The following ROR2 variants were observed in gnomAD, a reference collection of about 807,000 sequenced individuals.
ROR2 encodes the protein tyrosine-protein kinase transmembrane receptor ROR2.
ROR2 carries 33 observed loss-of-function variants against 74.9 expected under a neutral mutation model. The ratio of observed to expected loss-of-function variants is 0.44; its 90% CI spans 0.33 to 0.59. The LOEUF (loss-of-function observed/expected upper bound fraction) is 0.59, where lower values mean the gene tolerates loss of function less well. Ranked by LOEUF, ROR2 falls within the 20% of genes least tolerant of loss-of-function variation. The pLI, the probability that ROR2 is intolerant of heterozygous loss-of-function variation, is 0.02. For missense variants in ROR2, 1,216 were observed against 1,313.8 expected, an observed-to-expected ratio of 0.93 and a Z score of 1.15; for synonymous variants, 586 against 558.7, an observed-to-expected ratio of 1.05 and a Z score of -0.69.
At chr9:91,756,993 C>T (rs1361890074) in intron 3 of ROR2, among the ~76,000 whole-genome samples, 1 of 152,134 alleles carries the variant, frequency 6.6e-6, no homozygotes, top group East Asian at 1.9e-4. Flanking sequence ...TGATCTCAAA[C>T]TCCTGACCTC....
chr9:91,909,461 C>T (rs1361475337), intron 1 of ROR2, among the ~76,000 whole-genome samples: 1 of 152,044 alleles, frequency 6.6e-6, no homozygotes, highest in Non-Finnish European at 1.5e-5. Flanking sequence ...ATCCTCCTGA[C>T]TCATCCTCCC....
At chr9:91,843,960 A>C (rs1473638238) in intron 1 of ROR2, among the ~76,000 whole-genome samples, 1 of 152,196 alleles carries the variant, frequency 6.6e-6, no homozygotes, top group Admixed American at 6.5e-5. Context: ...TCTGAAGGCC[A>C]CTTTCCTGCA....
At chr9:91,915,859 G>C (rs1219582318) in intron 1 of ROR2, among the ~76,000 whole-genome samples, 1 of 152,178 alleles carries the variant, frequency 6.6e-6, no homozygotes, top group African/African-American at 2.4e-5. Context: ...ATGCTGATTA[G>C]TGCATTTTAC....
At chr9:91,903,245 CCT>C (rs1477699685) in intron 1 of ROR2, among the ~76,000 whole-genome samples, 3 of 152,144 alleles carry the variant, frequency 2.0e-5, no homozygotes, top group Middle Eastern at 3.4e-3. Context: ...TTTCTGTGCC[CCT>C]GACTGCAGTC....
intron 5 of ROR2, among the ~76,000 whole-genome samples, chr9:91,735,625 T>C (rs1298815242): frequency 4.8e-5 from 6 of 123,988 alleles, no homozygotes; most frequent in African/African-American, 2.1e-4. Flanking sequence ...TTTTTTTTTT[T>C]TTTTTTTTTT....
intron 1 of ROR2, among the ~76,000 whole-genome samples, chr9:91,779,854 T>G (rs995806488): frequency 1.3e-5 from 2 of 152,212 alleles, no homozygotes; most frequent in Non-Finnish European, 2.9e-5. Context: ...AAATGTTGGA[T>G]TTTTCAGCTG....
At chr9:91,870,531 T>C (rs1253474495) in intron 1 of ROR2, among the ~76,000 whole-genome samples, 2 of 152,238 alleles carry the variant, frequency 1.3e-5, no homozygotes, top group Non-Finnish European at 2.9e-5. Flanking sequence ...TTCAGGGCTC[T>C]ATCTATTTAC....
chr9:91,937,997 C>A (rs955321599), intron 1 of ROR2, among the ~76,000 whole-genome samples: 1 of 152,222 alleles, frequency 6.6e-6, no homozygotes, highest in Non-Finnish European at 1.5e-5. Flanking sequence ...GGATTACAGG[C>A]AAGGGCCATC....
At chr9:91,838,610 C>A (rs1448172578) in intron 1 of ROR2, among the ~76,000 whole-genome samples, 1 of 152,208 alleles carries the variant, frequency 6.6e-6, no homozygotes, top group Non-Finnish European at 1.5e-5. Context: ...GAATGGGTCC[C>A]TCACCAGGCT....
intron 1 of ROR2, among the ~76,000 whole-genome samples, chr9:91,906,018 A>C (rs2872123): frequency 0.46 from 67,898 of 147,086 alleles, 16,090 homozygotes; most frequent in African/African-American, 0.59. Context: ...AAAAAAAAAA[A>C]CCACACACAC....
intron 1 of ROR2, among the ~76,000 whole-genome samples, chr9:91,794,824 A>G (rs1827115790): frequency 6.6e-6 from 1 of 152,188 alleles, no homozygotes; most frequent in South Asian, 2.1e-4. Flanking sequence ...AAATTTTTAA[A>G]TATTAATGTA....
At chr9:91,868,585 G>A (rs1020382922) in intron 1 of ROR2, among the ~76,000 whole-genome samples, 8 of 152,278 alleles carry the variant, frequency 5.3e-5, no homozygotes, top group South Asian at 2.1e-4. Flanking sequence ...AGAAAAACAC[G>A]TTATTTATAG....
intron 2 of ROR2, among the ~76,000 whole-genome samples, chr9:91,772,136 C>T (rs1209550895): frequency 6.6e-6 from 1 of 152,166 alleles, no homozygotes; most frequent in Non-Finnish European, 1.5e-5. Flanking sequence ...TGGAGTGAGT[C>T]TCCATTTGTG....
chr9:91,889,584 G>A (rs1265005163), intron 1 of ROR2, among the ~76,000 whole-genome samples: 4 of 152,110 alleles, frequency 2.6e-5, no homozygotes, highest in African/African-American at 4.8e-5. Context: ...CCTACAGGGC[G>A]GGCCAGAAGA....
intron 1 of ROR2, among the ~76,000 whole-genome samples, chr9:91,922,094 C>T (rs1263889715): frequency 3.7e-5 from 5 of 136,116 alleles, no homozygotes; most frequent in Non-Finnish European, 8.3e-5. Flanking sequence ...AAAAACCAAA[C>T]AACAGCAACA....
intron 1 of ROR2, among the ~76,000 whole-genome samples, chr9:91,876,823 GAAGTA>G (rs1829967402): frequency 6.6e-6 from 1 of 152,032 alleles, no homozygotes; most frequent in African/African-American, 2.4e-5. Flanking sequence ...GGAGAAGAAA[GAAGTA>G]AAGAGGAGCT....
intron 1 of ROR2, among the ~76,000 whole-genome samples, chr9:91,871,445 T>C (rs1829793887): frequency 6.6e-6 from 1 of 152,248 alleles, no homozygotes; most frequent in Non-Finnish European, 1.5e-5. Flanking sequence ...TGTCCTATAA[T>C]AATACAAACA....
In ROR2 at chr9:91,905,740, G is replaced by A. The variant is rs1439095465; in HGVS notation, c.97+44127C>T. Reference sequence around the variant, plus strand: ...CATGGTAGATAAATGGGGGTGGGGGGAGGGGCCATCACACTCTTTAGGGAG... The same window carrying A: ...CATGGTAGATAAATGGGGGTGGGGGAAGGGGCCATCACACTCTTTAGGGAG... On this transcript the variant is annotated intron_variant, in intron 1 of 8. Coordinates refer to ENST00000375708, the MANE Select transcript of ROR2 (RefSeq NM_004560.4). This position sits in a 1 kb window ranked among gnomAD's most constrained non-coding sequence, Gnocchi z 5.3. 3.0e-5 allele frequency among the ~76,000 whole-genome samples: 4 copies of A among 132,368 alleles called. No homozygotes were observed. Among genetic ancestry groups the A allele is most frequent in the African/African-American group, 1.1e-4 (4 of 36,638 alleles). 86.8% of individuals were successfully genotyped at this position (132,368 alleles called of 152,430 possible).
intron 1 of ROR2, among the ~76,000 whole-genome samples, chr9:91,944,817 TG>T (rs1288331582): frequency 9.5e-6 from 1 of 105,126 alleles, no homozygotes; most frequent in Non-Finnish European, 2.1e-5. Flanking sequence ...AGGACTGGGG[TG>T]GGGGTGGGGA....
Sources: allele counts gnomAD v4.1 joint callset (sites outside exome capture counted in the v4.1 genomes callset), GRCh38; gene constraint gnomAD v4.1.1; non-coding constraint Gnocchi (gnomAD v3.1); transcripts MANE v1.5; gene names NCBI Gene and HGNC (gene_info 2026-07-23, HGNC 2026-07-21).